The following CSMD3 variants were observed in gnomAD, a reference collection of about 807,000 sequenced individuals.
CSMD3 encodes the protein CUB and sushi domain-containing protein 3.
Under a neutral mutation model 435.2 loss-of-function variants are expected in CSMD3, and 177 were observed. That is an observed-to-expected ratio of 0.41 (90% CI 0.36 to 0.46). CSMD3 has a LOEUF of 0.46. Ranked by LOEUF, CSMD3 falls within the 20% of genes least tolerant of loss-of-function variation. CSMD3 has a pLI of 0.34. For missense variants in CSMD3, 4,265 were observed against 4,504.6 expected, an observed-to-expected ratio of 0.95 and a Z score of 1.52; for synonymous variants, 1,656 against 1,520.5, an observed-to-expected ratio of 1.09 and a Z score of -2.07.
intron 29 of CSMD3, 44 bp downstream of exon 29, chr8:112,506,647 A>G: frequency 6.3e-7 from 1 of 1,599,050 alleles, no homozygotes; most frequent in African/African-American, 1.3e-5. Flanking sequence ...AAATGGCCTA[A>G]CAATATATTT....
intron 4 of CSMD3, among the ~76,000 whole-genome samples, chr8:113,152,066 G>A (rs2091819334): frequency 6.6e-6 from 1 of 151,962 alleles, no homozygotes; most frequent in South Asian, 2.1e-4. Flanking sequence ...ACCACTATAT[G>A]TGAAACTACA....
In CSMD3 at chr8:112,913,047, C is replaced by T. The variant is rs141767744; in HGVS notation, c.1633+8580G>A. Reference sequence around the variant, plus strand: ...GGCTCCCTCAATCTGGTGTAATCTGCACATCCACCATTGTTCTCATCATTA... The same window carrying T: ...GGCTCCCTCAATCTGGTGTAATCTGTACATCCACCATTGTTCTCATCATTA... On this transcript the variant is annotated intron_variant, in intron 10 of 70. Transcript: ENST00000297405. Among the ~76,000 whole-genome samples, 237 of 152,084 alleles carry T rather than the reference C, an allele frequency of 1.6e-3. 1 individual carries two copies. The highest frequency in any genetic ancestry group is 5.6e-3 in the African/African-American group (232 of 41,508).
At chr8:112,805,090 T>C (rs953941122) in intron 12 of CSMD3, among the ~76,000 whole-genome samples, 1 of 152,140 alleles carries the variant, frequency 6.6e-6, no homozygotes, top group Non-Finnish European at 1.5e-5. Context: ...CCCACACAAA[T>C]AGGGCCTCAT....
intron 12 of CSMD3, among the ~76,000 whole-genome samples, chr8:112,825,696 G>A (rs908318937): frequency 6.6e-6 from 1 of 152,138 alleles, no homozygotes; most frequent in Non-Finnish European, 1.5e-5. Flanking sequence ...CAGCAAGGAT[G>A]GGTGTCTGTT....
chr8:113,048,737 A>T (rs991456584), intron 5 of CSMD3, among the ~76,000 whole-genome samples: 3 of 152,152 alleles, frequency 2.0e-5, no homozygotes, highest in African/African-American at 7.2e-5. Flanking sequence ...GAAAAATAAG[A>T]ACCATGGTAG....
At chr8:113,017,745 C>T (rs2086523494) in intron 6 of CSMD3, among the ~76,000 whole-genome samples, 1 of 151,900 alleles carries the variant, frequency 6.6e-6, no homozygotes. Flanking sequence ...AGTACACAAA[C>T]TTTTAGAAAT....
intron 4 of CSMD3, among the ~76,000 whole-genome samples, chr8:113,104,516 T>C (rs2090420945): frequency 6.6e-6 from 1 of 152,136 alleles, no homozygotes; most frequent in Non-Finnish European, 1.5e-5. Flanking sequence ...CTCTTTGCAT[T>C]CTTGTGTTTA....
chr8:112,576,805 C>T (rs1829977848), intron 23 of CSMD3, among the ~76,000 whole-genome samples: 1 of 151,294 alleles, frequency 6.6e-6, no homozygotes, highest in Non-Finnish European at 1.5e-5. Flanking sequence ...GCTGGGATTA[C>T]AGGCATGAGC....
intron 11 of CSMD3, among the ~76,000 whole-genome samples, chr8:112,856,360 ACAGT>A (rs1433145191): frequency 6.6e-6 from 1 of 151,946 alleles, no homozygotes; most frequent in Admixed American, 6.6e-5. Context: ...TTAGAATAAG[ACAGT>A]CACCTATAAA....
intron 6 of CSMD3, among the ~76,000 whole-genome samples, chr8:112,987,902 G>C (rs2085312604): frequency 6.6e-6 from 1 of 151,786 alleles, no homozygotes; most frequent in African/African-American, 2.4e-5. Context: ...TTTCATGAAA[G>C]TACACCAAAT....
intron 3 of CSMD3, among the ~76,000 whole-genome samples, chr8:113,245,197 C>T (rs1023748115): frequency 3.3e-5 from 5 of 152,028 alleles, no homozygotes; most frequent in Admixed American, 2.6e-4. Context: ...TCATTTTAAA[C>T]GTACATTCGG....
chr8:112,412,823 G>A (rs896505930), intron 32 of CSMD3, among the ~76,000 whole-genome samples: 2 of 152,152 alleles, frequency 1.3e-5, no homozygotes, highest in Non-Finnish European at 2.9e-5. Flanking sequence ...GACCAGTACA[G>A]ATAGGGTCCC....
At position 112,409,022 on chromosome 8, in the gene CSMD3, G is replaced by A. The variant is rs1342997160; in HGVS notation, c.5406C>T (p.Gly1802=). 1.2e-6 allele frequency: 2 copies of A among 1,613,218 alleles called. No homozygotes were observed. The highest frequency in any genetic ancestry group is 1.7e-6 in the Non-Finnish European group (2 of 1,179,532). ...GTGATGTCTGGAAAAATACAAACTGGCCAAACACCACTGATCAACAGGAAC... is the reference window on the plus strand; with the variant it reads ...GTGATGTCTGGAAAAATACAAACTGACCAAACACCACTGATCAACAGGAAC... ...IAVPKEFVVF[G]QFVFFQTSLH... is the part of the protein sequence containing the mutation. The change falls in exon 33 of 71, where the codon GGC becomes GGT. Residue 1802 remains glycine, a synonymous_variant. Coordinates refer to ENST00000297405, the MANE Select transcript of CSMD3 (RefSeq NM_198123.2).
Position 112,657,318 on chromosome 8 carries a change from C to A in CSMD3, c.2817-977G>T, listed in dbSNP as rs563153824. Among the ~76,000 whole-genome samples the A allele has an allele frequency of 4.9e-4, 74 of 152,200 alleles. 2 individuals carry two copies. The highest frequency in any genetic ancestry group is 1.7e-3 in the African/African-American group (69 of 41,562). On this transcript the variant is annotated intron_variant, in intron 17 of 70. Coordinates refer to ENST00000297405, the MANE Select transcript of CSMD3 (RefSeq NM_198123.2). ...CCTCAAGTGATCCACCTGTCTTGGCCTCCCAAAGTACTGGGATTACAGGCG... is the reference window on the plus strand; with the variant it reads ...CCTCAAGTGATCCACCTGTCTTGGCATCCCAAAGTACTGGGATTACAGGCG...
chr8:112,721,571 A>G (rs1003482152), intron 13 of CSMD3, among the ~76,000 whole-genome samples: 1 of 152,104 alleles, frequency 6.6e-6, no homozygotes, highest in African/African-American at 2.4e-5. Flanking sequence ...ACGAAAGAGA[A>G]GGAAAAACAA....
At chr8:113,020,839 G>A (rs1280392165) in intron 5 of CSMD3, among the ~76,000 whole-genome samples, 3 of 152,096 alleles carry the variant, frequency 2.0e-5, no homozygotes. Context: ...TGGAAAATCT[G>A]TCATTGTATA....
rs1250160499 is a variant in CSMD3, at chr8:112,319,949, G to T, written c.7198C>A (p.Pro2400Thr). The change falls in exon 46 of 71, where the codon CCT becomes ACT. Residue 2400 changes from proline (P) to threonine (T), a missense_variant. Transcript: ENST00000297405. ...YQLRVCQPPP[P>T]VPNAEILTED... Reference sequence around the variant, plus strand: ...GTCAAAATTTCAGCATTGGGCACAGGTGGTGGAGGTTGGCACACCCTTAGT... The same window carrying T: ...GTCAAAATTTCAGCATTGGGCACAGTTGGTGGAGGTTGGCACACCCTTAGT... 1.2e-6 allele frequency: 2 copies of T among 1,612,968 alleles called. No homozygotes were observed. The highest frequency in any genetic ancestry group is 2.2e-5 in the South Asian group (2 of 91,068).
intron 1 of CSMD3, among the ~76,000 whole-genome samples, chr8:113,394,390 T>C (rs768819975): frequency 3.9e-5 from 6 of 152,118 alleles, no homozygotes; most frequent in Non-Finnish European, 8.8e-5. Context: ...TAACTTTCTA[T>C]ACCTTAGAAC....
chr8:113,336,308 T>C (rs771274578), intron 1 of CSMD3, among the ~76,000 whole-genome samples: 62 of 151,842 alleles, frequency 4.1e-4, no homozygotes, highest in Non-Finnish European at 8.2e-4. Context: ...ATTTTTTTGC[T>C]GACACTTTCG....
Sources: gnomAD v4.1 joint callset for allele counts (sites outside exome capture counted in the v4.1 genomes callset) on GRCh38, gnomAD v4.1.1 for gene constraint, MANE v1.5 for transcripts, NCBI Gene and HGNC (gene_info 2026-07-23, HGNC 2026-07-21) for gene names.